CPSF1: variants seen among roughly 807,000 people sequenced by gnomAD.
The protein encoded by CPSF1 is cleavage and polyadenylation specific factor 1, also known as cleavage and polyadenylation specificity factor subunit 1.
Under a neutral mutation model 175.8 loss-of-function variants are expected in CPSF1, and 106 were observed. The observed-to-expected ratio is 0.60, with a 90% CI of 0.52 to 0.71. The LOEUF (loss-of-function observed/expected upper bound fraction) is 0.71. CPSF1 is among the 30% of genes least tolerant of loss of function. The pLI is 0.00. For missense variants in CPSF1, 1,734 were observed against 2,022.9 expected, an observed-to-expected ratio of 0.86 and a Z score of 2.74; for synonymous variants, 1,024 against 858.3, an observed-to-expected ratio of 1.19 and a Z score of -3.37.
At chr8:144,401,146 C>T (rs1821181979) in intron 5 of CPSF1, 65 bp downstream of exon 5, 3 of 1,579,758 alleles carry the variant, frequency 1.9e-6, no homozygotes, top group Admixed American at 3.7e-5. Flanking sequence ...GGCCACAGAA[C>T]CCAGCTGCAG....
At position 144,395,300 on chromosome 8, in the gene CPSF1, G is replaced by A. The variant is rs781933060; in HGVS notation, c.3152C>T (p.Thr1051Ile). 1 of 1,613,464 alleles carries A rather than the reference G, an allele frequency of 6.2e-7. No homozygotes were observed. Among genetic ancestry groups the A allele is most frequent in the Non-Finnish European group, 8.5e-7 (1 of 1,179,978 alleles). ...GGTCTCAAACTCCTTCTCCTCGCCA[G>A]TCATGCGTGGGATGCGGGCACACGG... Reference protein sequence around the residue: ...NTPCARIPRMTGEEKEFETIE... With the variant: ...NTPCARIPRMIGEEKEFETIE... Residue 1051 changes from threonine (T) to isoleucine (I), a missense_variant, in exon 28 of 38, where the codon ACT becomes ATT. This residue lies in a region of CPSF1 where 585 missense variants were observed against 584.7 expected (regional missense o/e 1.00). Transcript: ENST00000616140.
Position 144,400,450 on chromosome 8 carries a change from A to G in CPSF1, c.730T>C (p.Ser244Pro). ...TGCACCTTCTGCGTGATGTTCAGTGAGATGGCCACAATGGAGCACGTGTCC... is the reference window on the plus strand; with the variant it reads ...TGCACCTTCTGCGTGATGTTCAGTGGGATGGCCACAATGGAGCACGTGTCC... Reference protein sequence around the residue: ...RQDTCSIVAISLNITQKVHPV... With the variant: ...RQDTCSIVAIPLNITQKVHPV... The change falls in exon 8 of 38, where the codon TCA becomes CCA. Residue 244 changes from serine to proline, a missense_variant. This residue lies in a region of CPSF1 where 61 missense variants were observed against 104.0 expected (regional missense o/e 0.59). Coordinates refer to ENST00000616140, the MANE Select transcript of CPSF1 (RefSeq NM_013291.3). The G allele has an allele frequency of 6.2e-7, 1 of 1,613,474 alleles. No homozygotes were observed. Among genetic ancestry groups the G allele is most frequent in the Non-Finnish European group, 8.5e-7 (1 of 1,179,950 alleles).
intron 26 of CPSF1, chr8:144,395,920 G>A (rs1400564785): frequency 2.0e-5 from 8 of 409,218 alleles, no homozygotes; most frequent in Non-Finnish European, 3.6e-5. Context: ...AGGCACCCAG[G>A]AAGCACTCAC....
rs1404196492 is a variant in CPSF1 at position 144,395,249 on chromosome 8, G to A, written c.3187+16C>T. The A allele has an allele frequency of 1.2e-6, 2 of 1,612,966 alleles. No homozygotes were observed. Among genetic ancestry groups the A allele is most frequent in the African/African-American group, 1.3e-5 (1 of 74,914 alleles). ...AGATGCGGCTGAGGATGGGAGTATG[G>A]TGTGGGCGTCACCACCTCTCTCGAT... On this transcript the variant is annotated intron_variant, in intron 28 of 37. Coordinates refer to ENST00000616140, the MANE Select transcript of CPSF1 (RefSeq NM_013291.3).
Position 144,393,300 on chromosome 8 carries a change from G to A in CPSF1, c.*18C>T. The A allele has an allele frequency of 2.0e-6, 3 of 1,488,880 alleles. No homozygotes were observed. Among genetic ancestry groups the A allele is most frequent in the Non-Finnish European group, 2.7e-6 (3 of 1,112,446 alleles). 92.2% of individuals were successfully genotyped at this position (1,488,880 alleles called of 1,614,324 possible). On this transcript the variant is annotated 3_prime_UTR_variant, in exon 38 of 38. Coordinates refer to ENST00000616140, the MANE Select transcript of CPSF1 (RefSeq NM_013291.3). ...TGGGAGGTAGTTCCGTGTGCTGGTG[G>A]TGACGGCATCCACGGGGCTAGAAGT... is the stretch of plus-strand genomic sequence containing the variant.
Position 144,401,120 on chromosome 8 carries a change from C to G in CPSF1, c.388-45G>C, listed in dbSNP as rs2116881513. On this transcript the variant is annotated intron_variant, in intron 5 of 37. Coordinates refer to ENST00000616140, the MANE Select transcript of CPSF1 (RefSeq NM_013291.3). Reference sequence around the variant, plus strand: ...CAGCCAGGCCCAGCATAGGAGACCCCGAGGGAAACACTTGGGGCCACAGAA... The same window carrying G: ...CAGCCAGGCCCAGCATAGGAGACCCGGAGGGAAACACTTGGGGCCACAGAA... The G allele has an allele frequency of 5.8e-6, 9 of 1,549,356 alleles. No homozygotes were observed. The South Asian group carries it at 9.0e-5, about 16-fold the overall frequency.
At position 144,395,393 on chromosome 8, in the gene CPSF1, C is replaced by G. The variant is rs1240950233; in HGVS notation, c.3097-38G>C. 1.9e-6 allele frequency: 3 copies of G among 1,612,794 alleles called. No individual in the cohort carries two copies. The Admixed American group carries it at 5.0e-5, about 27-fold the overall frequency. ...GAGGGTCACACACCAGTGGCCCGGC[C>G]AGGCCCAGAAGGTCCCTGGTGGGGT... On this transcript the variant is annotated intron_variant, in intron 27 of 37. Transcript: ENST00000616140.
Position 144,393,501 on chromosome 8 carries a change from G to C in CPSF1, c.4235C>G (p.Thr1412Ser). The stretch of plus-strand genomic sequence containing the variant: ...CTTGGCTAGCTCGCTGCGCTCCATG[G>C]TGCTCAGGTACAGGTAGCGGTTGAG... ...ELLNRYLYLS[T>S]MERSELAKKI... Residue 1412 changes from threonine (T) to serine (S), a missense_variant, in exon 37 of 38, where the codon ACC becomes AGC. Physicochemically the swap from Thr to Ser is moderately conservative, Grantham distance 58. This residue lies in a region of CPSF1 where 323 missense variants were observed against 338.5 expected (regional missense o/e 0.95). Coordinates refer to ENST00000616140, the MANE Select transcript of CPSF1 (RefSeq NM_013291.3). The C allele has an allele frequency of 6.3e-7, 1 of 1,584,334 alleles. No homozygotes were observed. The highest frequency in any genetic ancestry group is 8.6e-7 in the Non-Finnish European group (1 of 1,167,236).
chr8:144,400,641 A>G (rs781893907), intron 7 of CPSF1, 30 bp downstream of exon 7: 2 of 1,597,596 alleles, frequency 1.3e-6, no homozygotes, highest in Non-Finnish European at 1.7e-6. Context: ...GGGGGCCCAC[A>G]GTGCAGAGGG....
rs782542124 is a variant in CPSF1, at chr8:144,396,339, G to A, written c.2979+9C>T. ...CAGCCAGTGCTGCTGGGAACCGGCC[G>A]GGCCCCACCTGTCTGTTGAAGTACA... On this transcript the variant is annotated intron_variant, in intron 26 of 37. Coordinates refer to ENST00000616140, the MANE Select transcript of CPSF1 (RefSeq NM_013291.3). 27 of 1,578,722 alleles carry A rather than the reference G, an allele frequency of 1.7e-5. No individual in the cohort carries two copies. The highest frequency in any genetic ancestry group is 1.3e-4 in the Admixed American group (7 of 52,684).
intron 26 of CPSF1, chr8:144,395,891 T>C (rs1312799392): frequency 1.3e-5 from 6 of 456,930 alleles, no homozygotes; most frequent in South Asian, 9.5e-5. Flanking sequence ...CCCTCTTTCA[T>C]GGACAGTCCT....
At position 144,395,011 on chromosome 8, in the gene CPSF1, C is replaced by G; in HGVS notation, c.3285G>C (p.Gln1095His). The G allele has an allele frequency of 1.2e-6, 2 of 1,610,196 alleles. No homozygotes were observed. Among genetic ancestry groups the G allele is most frequent in the Non-Finnish European group, 1.7e-6 (2 of 1,177,898 alleles). Residue 1095 changes from glutamine (Q) to histidine (H), a missense_variant, in exon 30 of 38, where the codon CAG (glutamine) becomes CAC (histidine). Coordinates refer to ENST00000616140, the MANE Select transcript of CPSF1 (RefSeq NM_013291.3). The part of the protein sequence containing the change: ...EAIPNARIEL[Q>H]EWEHVTCMKT... The stretch of plus-strand genomic sequence containing the variant: ...TCATGCAGGTCACATGCTCCCACTC[C>G]TGCAGCTCGATCCTGTGGGGGCCAG...
intron 9 of CPSF1, 31 bp downstream of exon 9, chr8:144,400,135 G>GGGGGGCGCCCCC: frequency 4.5e-6 from 4 of 896,008 alleles, no homozygotes; most frequent in Non-Finnish European, 6.4e-6. Context: ...CCGTCCCCGG[G>GGGGGGCGCCCCC]CCCCCCCCGC....
chr8:144,400,135 G>GGGGGGGGCCCCCCCCCCCCCC, intron 9 of CPSF1, 31 bp downstream of exon 9: 3 of 896,002 alleles, frequency 3.3e-6, no homozygotes, highest in Non-Finnish European at 3.2e-6. Flanking sequence ...CCGTCCCCGG[G>GGGGGGGGCCCCCCCCCCCCCC]CCCCCCCCGC....
chr8:144,404,825 G>C (rs1301465971), intron 2 of CPSF1, among the ~76,000 whole-genome samples: 4 of 151,908 alleles, frequency 2.6e-5, no homozygotes, highest in Non-Finnish European at 5.9e-5. Flanking sequence ...GGGAGGCTGA[G>C]GCAAGCGGAT....
chr8:144,399,382 A>T lies in CPSF1; in HGVS notation c.1295-9T>A, dbSNP rs2116862065. ...CACCGACTTACCCGCAGCTGCACAC[A>T]GAGAGCCCACTTGAGCGCAGCCCTG... On this transcript the variant is annotated splice_polypyrimidine_tract_variant and intron_variant, in intron 13 of 37. Transcript: ENST00000616140. The surrounding 1 kb of genome is among the most constrained non-coding windows in gnomAD (Gnocchi z 6.4). 1 of 1,612,852 alleles carries T rather than the reference A, an allele frequency of 6.2e-7. No homozygotes were observed. Among genetic ancestry groups the T allele is most frequent in the South Asian group, 1.1e-5 (1 of 91,056 alleles).
chr8:144,403,593 C>T (rs1236215777), intron 2 of CPSF1, among the ~76,000 whole-genome samples: 6 of 151,868 alleles, frequency 4.0e-5, no homozygotes, highest in Non-Finnish European at 7.4e-5. Context: ...CACTCTGTCA[C>T]CCAGGCTGGA....
intron 19 of CPSF1, 72 bp downstream of exon 19, chr8:144,398,219 AACCACCTCCCC>A: frequency 1.9e-6 from 3 of 1,571,708 alleles, no homozygotes; most frequent in Non-Finnish European, 1.7e-6. Context: ...CCCAGGGCCC[AACCACCTCCCC>A]CCCACCGTCC....
In CPSF1 at chr8:144,395,327, G is replaced by A. The variant is rs201775542; in HGVS notation, c.3125C>T (p.Thr1042Met). ...CATGCGTGGGATGCGGGCACACGGC[G>A]TGTTGGTGCTGGTGGCCACAGCATA... ...KVYAVATSTN[T>M]PCARIPRMTG... Residue 1042 changes from threonine (T) to methionine (M), a missense_variant, in exon 28 of 38, where the codon ACG becomes ATG. Thr to Met is a moderately conservative substitution (Grantham distance 81). Transcript: ENST00000616140. The A allele has an allele frequency of 4.8e-5, 77 of 1,613,484 alleles. No homozygotes were observed. The highest frequency in any genetic ancestry group is 3.3e-4 in the Middle Eastern group (2 of 6,062).
Sources: gnomAD v4.1 joint callset for allele counts (sites outside exome capture counted in the v4.1 genomes callset) on GRCh38, gnomAD v4.1.1 for gene constraint, gnomAD v4.1.1 regional missense constraint, Gnocchi (gnomAD v3.1) non-coding constraint, MANE v1.5 for transcripts, NCBI Gene and HGNC (gene_info 2026-07-23, HGNC 2026-07-21) for gene names.